The following PRTFDC1 variants were observed in gnomAD, a reference collection of about 807,000 sequenced individuals.
The protein encoded by PRTFDC1 is phosphoribosyltransferase domain-containing protein 1.
Under a neutral mutation model 34.6 loss-of-function variants are expected in PRTFDC1, and 38 were observed. The ratio of observed to expected loss-of-function variants is 1.10; its 90% CI spans 0.85 to 1.44. PRTFDC1 has a LOEUF of 1.44. Among genes scored for constraint, PRTFDC1 ranks in the 40% most tolerant of loss-of-function variants. The pLI, the probability that PRTFDC1 is intolerant of heterozygous loss-of-function variation, is 0.00. For missense variants in PRTFDC1, 270 were observed against 283.0 expected (o/e 0.95, Z 0.33); for synonymous variants, 93 against 98.1 (o/e 0.95, Z 0.31).
chr10:24,896,556 G>A (rs1225270870), intron 3 of PRTFDC1, among the ~76,000 whole-genome samples: 5 of 152,150 alleles, frequency 3.3e-5, no homozygotes, highest in African/African-American at 1.2e-4. Flanking sequence ...ACAGTGCCAT[G>A]CTAGTTTTAG....
intron 3 of PRTFDC1, among the ~76,000 whole-genome samples, chr10:24,883,955 C>T (rs570483232): frequency 6.6e-6 from 1 of 151,100 alleles, no homozygotes; most frequent in East Asian, 2.0e-4. Flanking sequence ...TCCTGAGTAG[C>T]TGGGACTACA....
chr10:24,947,232 A>G (rs929026189), intron 1 of PRTFDC1, among the ~76,000 whole-genome samples: 1 of 152,240 alleles, frequency 6.6e-6, no homozygotes, highest in African/African-American at 2.4e-5. Context: ...ATTAATCTTA[A>G]ATAGTGAGTT....
intron 3 of PRTFDC1, among the ~76,000 whole-genome samples, chr10:24,899,536 G>A (rs1407577074): frequency 6.6e-6 from 1 of 152,036 alleles, no homozygotes; most frequent in Non-Finnish European, 1.5e-5. Flanking sequence ...CTTAGGGGGT[G>A]GGAATTGATT....
At chr10:24,853,393 C>G (rs902498240) in intron 7 of PRTFDC1, among the ~76,000 whole-genome samples, 19 of 151,834 alleles carry the variant, frequency 1.3e-4, no homozygotes, top group African/African-American at 4.1e-4. Context: ...GGGTGGATCA[C>G]CTGAGGTCAG....
chr10:24,934,151 C>T (rs1273578068), intron 3 of PRTFDC1, among the ~76,000 whole-genome samples: 1 of 151,910 alleles, frequency 6.6e-6, no homozygotes, highest in Non-Finnish European at 1.5e-5. Flanking sequence ...CCCAAATATC[C>T]TTCAGCTGAT....
intron 3 of PRTFDC1, among the ~76,000 whole-genome samples, chr10:24,883,653 T>C (rs1252631176): frequency 6.6e-6 from 1 of 152,122 alleles, no homozygotes; most frequent in Non-Finnish European, 1.5e-5. Context: ...TATGGACTTC[T>C]TGTTTTGATT....
At chr10:24,949,107 T>C (rs746598900) in intron 1 of PRTFDC1, among the ~76,000 whole-genome samples, 1 of 152,108 alleles carries the variant, frequency 6.6e-6, no homozygotes, top group Non-Finnish European at 1.5e-5. Context: ...GCCCCTTTTT[T>C]CAGATGGGGT....
chr10:24,876,125 A>C (rs1268473771), intron 3 of PRTFDC1, among the ~76,000 whole-genome samples: 1 of 152,092 alleles, frequency 6.6e-6, no homozygotes, highest in African/African-American at 2.4e-5. Flanking sequence ...ATGCCTGCAG[A>C]GGCAGGCACT....
intron 4 of PRTFDC1, among the ~76,000 whole-genome samples, chr10:24,866,851 A>T (rs984814055): frequency 2.2e-4 from 33 of 151,900 alleles, no homozygotes; most frequent in Non-Finnish European, 1.3e-4. Context: ...AGGAATTTTA[A>T]AAAAAGCAAA....
At chr10:24,888,220 A>G (rs1555047826) in intron 3 of PRTFDC1, among the ~76,000 whole-genome samples, 1 of 152,152 alleles carries the variant, frequency 6.6e-6, no homozygotes, top group Non-Finnish European at 1.5e-5. Flanking sequence ...CTTTACACCT[A>G]TCTCCTTAAA....
In PRTFDC1 at chr10:24,920,612, T is replaced by C. The variant is rs188570113; in HGVS notation, c.339+16572A>G. ...AATACCTAGGTGATGGGTTGATAGA[T>C]GCAGCAAATCACCATGGCACACATT... On this transcript the variant is annotated intron_variant, in intron 3 of 8. Coordinates refer to ENST00000320152, the MANE Select transcript of PRTFDC1 (RefSeq NM_020200.7). Among the ~76,000 whole-genome samples, 563 of 152,280 alleles carry C rather than the reference T, an allele frequency of 3.7e-3. 2 individuals carry two copies. Among genetic ancestry groups the C allele is most frequent in the Non-Finnish European group, 4.5e-3 (307 of 68,026 alleles).
rs192915453 is a variant in PRTFDC1 at position 24,857,016 on chromosome 10, A to C, written c.424-21T>G. On this transcript the variant is annotated intron_variant, in intron 5 of 8. Coordinates refer to ENST00000320152, the MANE Select transcript of PRTFDC1 (RefSeq NM_020200.7). Reference sequence around the variant, plus strand: ...ACATCCTTTGCAAAAAGGACAGATAAATTCAACAAAATGCATTTGAGCAGC... The same window carrying C: ...ACATCCTTTGCAAAAAGGACAGATACATTCAACAAAATGCATTTGAGCAGC... The C allele has an allele frequency of 7.3e-4, 1,150 of 1,570,500 alleles. 2 individuals are homozygous for C. In the African/African-American group the frequency reaches 0.011, roughly 16 times the overall value.
rs542775880 is a variant in PRTFDC1, at chr10:24,875,929, C to T, written c.340-3866G>A. Among the ~76,000 whole-genome samples, 3 of 142,534 alleles carry T rather than the reference C, an allele frequency of 2.1e-5. No individual in the cohort carries two copies. The South Asian group carries it at 6.9e-4, about 33-fold the overall frequency. 93.5% of individuals were successfully genotyped at this position (142,534 alleles called of 152,430 possible). On this transcript the variant is annotated intron_variant, in intron 3 of 8. Coordinates refer to ENST00000320152, the MANE Select transcript of PRTFDC1 (RefSeq NM_020200.7). ...GGAGCGCAGTGATGTAATCATAGCT[C>T]ATTGCACCCTCGAACTCCTGGCTGC...
intron 2 of PRTFDC1, among the ~76,000 whole-genome samples, chr10:24,939,034 A>G (rs1296692803): frequency 1.3e-5 from 2 of 152,104 alleles, no homozygotes; most frequent in African/African-American, 4.8e-5. Context: ...ACAAGAGAAA[A>G]ATAAACCTCA....
intron 1 of PRTFDC1, chr10:24,951,700 A>G: frequency 1.3e-6 from 1 of 777,762 alleles, no homozygotes; most frequent in African/African-American, 1.9e-5. Context: ...ACCACCTTCT[A>G]GGAAAACCAC....
intron 2 of PRTFDC1, among the ~76,000 whole-genome samples, chr10:24,941,739 G>C (rs886464514): frequency 3.3e-5 from 5 of 152,156 alleles, no homozygotes; most frequent in Non-Finnish European, 5.9e-5. Flanking sequence ...AGAAATGCAA[G>C]AATTTGTTTA....
chr10:24,938,106 A>G (rs1849084316), intron 2 of PRTFDC1, among the ~76,000 whole-genome samples: 1 of 151,550 alleles, frequency 6.6e-6, no homozygotes, highest in African/African-American at 2.4e-5. Flanking sequence ...GGTGCCTGTA[A>G]TCCCAGCTAC....
rs573880573 is a variant in PRTFDC1 at position 24,916,002 on chromosome 10, A to G, written c.339+21182T>C. Among the ~76,000 whole-genome samples, 19 of 152,202 alleles carry G rather than the reference A, an allele frequency of 1.2e-4. No homozygotes were observed. In the South Asian group the frequency reaches 3.5e-3, roughly 28 times the overall value. On this transcript the variant is annotated intron_variant, in intron 3 of 8. Transcript: ENST00000320152. ...CTTATCTTGGATGTTTAGGAGGAAA[A>G]ATATTCCAAAACCACACCCCTGGTT...
intron 3 of PRTFDC1, among the ~76,000 whole-genome samples, chr10:24,905,965 A>C (rs767671932): frequency 2.6e-5 from 4 of 151,960 alleles, no homozygotes; most frequent in Non-Finnish European, 4.4e-5. Context: ...CAATTGTTTT[A>C]ATTTTTAGCT....
Sources: allele counts gnomAD v4.1 joint callset (sites outside exome capture counted in the v4.1 genomes callset), GRCh38; gene constraint gnomAD v4.1.1; transcripts MANE v1.5; gene names NCBI Gene and HGNC (gene_info 2026-07-23, HGNC 2026-07-21).